Variants in PDSS2 observed in about 807,000 individuals in gnomAD.
PDSS2 encodes the protein all trans-polyprenyl-diphosphate synthase PDSS2.
A neutral mutation model predicts 44.5 loss-of-function variants in PDSS2; 31 were observed. The ratio of observed to expected loss-of-function variants is 0.70; its 90% CI spans 0.52 to 0.94. The LOEUF is 0.94. PDSS2 is among the 40% of genes least tolerant of loss of function. The pLI, the probability that PDSS2 is intolerant of heterozygous loss-of-function variation, is 0.00. For missense variants in PDSS2, 452 were observed against 482.2 expected (o/e 0.94, Z 0.59); for synonymous variants, 157 against 180.3 (o/e 0.87, Z 1.03).
chr6:107,171,794 G>A (rs782429597), intron 7 of PDSS2, among the ~76,000 whole-genome samples: 4 of 152,104 alleles, frequency 2.6e-5, no homozygotes, highest in Admixed American at 6.6e-5. Context: ...CCAAGGAGCT[G>A]GGATTACAGG....
chr6:107,309,475 GTAA>G (rs1776963903), intron 2 of PDSS2, among the ~76,000 whole-genome samples: 1 of 152,204 alleles, frequency 6.6e-6, no homozygotes, highest in Non-Finnish European at 1.5e-5. Context: ...TTCTCTTTAA[GTAA>G]TAATTTAGAT....
intron 3 of PDSS2, chr6:107,264,256 T>G: frequency 7.5e-7 from 1 of 1,338,892 alleles, no homozygotes; most frequent in Non-Finnish European, 9.7e-7. Flanking sequence ...ATTGAGCATA[T>G]TTGTACAAAC....
At chr6:107,284,409 C>T (rs948710164) in intron 2 of PDSS2, among the ~76,000 whole-genome samples, 1 of 151,994 alleles carries the variant, frequency 6.6e-6, no homozygotes, top group African/African-American at 2.4e-5. Context: ...ACCTGTAATC[C>T]CAGCACTTCG....
At chr6:107,237,710 G>T (rs1260779575) in intron 4 of PDSS2, among the ~76,000 whole-genome samples, 1 of 151,516 alleles carries the variant, frequency 6.6e-6, no homozygotes, top group Non-Finnish European at 1.5e-5. Context: ...AGACCAGCCT[G>T]GCCAACATAC....
intron 2 of PDSS2, among the ~76,000 whole-genome samples, chr6:107,325,014 T>C (rs1777495351): frequency 1.3e-5 from 2 of 152,104 alleles, no homozygotes; most frequent in South Asian, 4.1e-4. Flanking sequence ...TATTTGCAGC[T>C]GAGACCAAGT....
intron 1 of PDSS2, among the ~76,000 whole-genome samples, chr6:107,411,138 G>A (rs367658246): frequency 8.6e-5 from 13 of 151,920 alleles, no homozygotes; most frequent in African/African-American, 2.9e-4. Context: ...CGCCCACCTC[G>A]GCCTCCCAAA....
chr6:107,336,063 C>G (rs1160520587), intron 1 of PDSS2, among the ~76,000 whole-genome samples: 1 of 151,462 alleles, frequency 6.6e-6, no homozygotes, highest in South Asian at 2.1e-4. Flanking sequence ...GAGACCAGCC[C>G]GGCCAACATG....
intron 1 of PDSS2, among the ~76,000 whole-genome samples, chr6:107,371,642 C>T (rs1310725835): frequency 2.0e-5 from 3 of 152,114 alleles, no homozygotes; most frequent in Admixed American, 1.3e-4. Context: ...AAATTGACAA[C>T]TATAACATTA....
At chr6:107,415,222 T>C (rs371748304) in intron 1 of PDSS2, among the ~76,000 whole-genome samples, 1 of 152,084 alleles carries the variant, frequency 6.6e-6, no homozygotes, top group Admixed American at 6.5e-5. Context: ...CCTAAGCTGG[T>C]GTGCATGCCC....
At chr6:107,411,056 T>A (rs751702697) in intron 1 of PDSS2, among the ~76,000 whole-genome samples, 1 of 151,976 alleles carries the variant, frequency 6.6e-6, no homozygotes, top group African/African-American at 2.4e-5. Context: ...GGCTAATTTT[T>A]GTATTTTTTA....
intron 1 of PDSS2, among the ~76,000 whole-genome samples, chr6:107,367,061 A>T (rs1428081584): frequency 6.6e-6 from 1 of 152,154 alleles, no homozygotes; most frequent in Non-Finnish European, 1.5e-5. Flanking sequence ...TCTCTCATGA[A>T]TGCAGACACA....
chr6:107,178,754 C>G (rs541981412), intron 7 of PDSS2, among the ~76,000 whole-genome samples: 3 of 152,276 alleles, frequency 2.0e-5, no homozygotes, highest in African/African-American at 7.2e-5. Flanking sequence ...GGCGAAGTGG[C>G]TCACATCTGT....
intron 1 of PDSS2, among the ~76,000 whole-genome samples, chr6:107,360,588 C>G (rs995350569): frequency 6.8e-6 from 1 of 147,814 alleles, no homozygotes; most frequent in African/African-American, 2.5e-5. Flanking sequence ...CAAAAAACAT[C>G]TGGATAACTG....
chr6:107,396,147 TG>T (rs1460173762), intron 1 of PDSS2, among the ~76,000 whole-genome samples: 5 of 152,232 alleles, frequency 3.3e-5, no homozygotes, highest in Non-Finnish European at 7.3e-5. Context: ...AAGTTGTTTT[TG>T]CACACTCCAT....
intron 1 of PDSS2, among the ~76,000 whole-genome samples, chr6:107,363,894 A>C (rs983324460): frequency 6.6e-6 from 1 of 152,150 alleles, no homozygotes; most frequent in Non-Finnish European, 1.5e-5. Context: ...CTAGATACAC[A>C]GTGTCGATTG....
intron 1 of PDSS2, among the ~76,000 whole-genome samples, chr6:107,363,850 G>GAC (rs1472996277): frequency 1.3e-5 from 2 of 152,122 alleles, no homozygotes; most frequent in African/African-American, 4.8e-5. Flanking sequence ...ACAGAGTTTT[G>GAC]ACACACAGGT....
intron 2 of PDSS2, among the ~76,000 whole-genome samples, chr6:107,328,321 C>A (rs1340064021): frequency 6.6e-6 from 1 of 152,154 alleles, no homozygotes; most frequent in East Asian, 1.9e-4. Context: ...GGATTTGAAC[C>A]CAGACAATTT....
At chr6:107,255,642 C>T (rs1171678253) in intron 3 of PDSS2, among the ~76,000 whole-genome samples, 1 of 151,426 alleles carries the variant, frequency 6.6e-6, no homozygotes, top group Non-Finnish European at 1.5e-5. Context: ...TAGTGATTCA[C>T]TAAATTGATT....
intron 1 of PDSS2, among the ~76,000 whole-genome samples, chr6:107,336,629 A>G (rs531747392): frequency 6.6e-6 from 1 of 152,132 alleles, no homozygotes; most frequent in African/African-American, 2.4e-5. Flanking sequence ...GAGGCATCCT[A>G]TTACAGAACA....
Sources: allele counts gnomAD v4.1 joint callset (sites outside exome capture counted in the v4.1 genomes callset), GRCh38; gene constraint gnomAD v4.1.1; transcripts MANE v1.5; gene names NCBI Gene and HGNC (gene_info 2026-07-23, HGNC 2026-07-21).